EPG5: variants seen among roughly 807,000 people sequenced by gnomAD.
EPG5 encodes ectopic P granules protein 5 homolog.
A neutral mutation model predicts 302.7 loss-of-function variants in EPG5; 159 were observed. That is an observed-to-expected ratio of 0.53 (90% CI 0.46 to 0.60). The LOEUF (loss-of-function observed/expected upper bound fraction) is 0.60, where lower values mean the gene tolerates loss of function less well. EPG5 is among the 20% of genes least tolerant of loss of function. EPG5 has a pLI of 0.00. For missense variants in EPG5, 2,896 were observed against 3,092.4 expected, an observed-to-expected ratio of 0.94 and a Z score of 1.51; for synonymous variants, 1,158 against 1,136.8, an observed-to-expected ratio of 1.02 and a Z score of -0.37.
intron 35 of EPG5, among the ~76,000 whole-genome samples, chr18:45,873,982 T>C (rs1252242269): frequency 6.6e-6 from 1 of 152,148 alleles, no homozygotes; most frequent in Admixed American, 6.5e-5. Context: ...ACTATGGAGA[T>C]AGTAAAAGGA....
At chr18:45,874,889 C>T (rs559321482) in intron 35 of EPG5, among the ~76,000 whole-genome samples, 2 of 152,296 alleles carry the variant, frequency 1.3e-5, no homozygotes, top group South Asian at 2.1e-4. Flanking sequence ...ATGCTGAAAC[C>T]AGCCAACCGA....
At chr18:45,892,342 C>T (rs1189724533) in intron 27 of EPG5, among the ~76,000 whole-genome samples, 7 of 152,154 alleles carry the variant, frequency 4.6e-5, no homozygotes, top group Non-Finnish European at 1.0e-4. Context: ...TTCATAATTA[C>T]AAGAAGTAGT....
At chr18:45,896,631 ACCTCCTGCGGTTAAGTGAT>A (rs576682992) in intron 27 of EPG5, among the ~76,000 whole-genome samples, 2,190 of 152,114 alleles carry the variant, frequency 0.014, 16 homozygotes, top group Non-Finnish European at 0.02. Context: ...TGCAGCCTGG[ACCTCCTGCGGTTAAGTGAT>A]CCTCCTGCTT....
intron 10 of EPG5, among the ~76,000 whole-genome samples, chr18:45,937,255 C>T (rs201384262): frequency 0.1 from 14,316 of 138,590 alleles, 1,123 homozygotes; most frequent in East Asian, 0.29. Flanking sequence ...CACACACACA[C>T]ACACACACAC....
Position 45,882,299 on chromosome 18 carries a change from A to G in EPG5, c.5493T>C (p.Ser1831=). Residue 1831 remains serine (S), a synonymous_variant, in exon 31 of 44, where the codon AGT becomes AGC. Transcript: ENST00000282041. ...TTTGCATAAGCAGCCTGAGAATGTC[A>G]CTGTACTGGTCAGGAAACTGGTAGA... is the stretch of plus-strand genomic sequence containing the variant. ...LLLYQFPDQY[S]DILRLLMQSS... 6.2e-7 allele frequency: 1 copy of G among 1,614,132 alleles called. No individual in the cohort carries two copies. The highest frequency in any genetic ancestry group is 8.5e-7 in the Non-Finnish European group (1 of 1,179,964).
chr18:45,910,518 C>T lies in EPG5; in HGVS notation c.4205+3G>A. On this transcript the variant is annotated splice_donor_region_variant and intron_variant, in intron 23 of 43. Coordinates refer to ENST00000282041, the MANE Select transcript of EPG5 (RefSeq NM_020964.3). ...ATGTAGGTGGCTAAATAACCATACTCACCTCACCAGCTCCTTGTGCAGTTC... is the reference window on the plus strand; with the variant it reads ...ATGTAGGTGGCTAAATAACCATACTTACCTCACCAGCTCCTTGTGCAGTTC... 6.3e-7 allele frequency: 1 copy of T among 1,598,102 alleles called. No individual in the cohort carries two copies. The highest frequency in any genetic ancestry group is 8.5e-7 in the Non-Finnish European group (1 of 1,172,764).
chr18:45,823,553 G>A, the EPG5 span, among the ~76,000 whole-genome samples: 4 of 152,096 alleles, frequency 2.6e-5, no homozygotes, highest in Non-Finnish European at 4.4e-5. Context: ...TCATACTCCC[G>A]GCAACCCTCG....
rs772171146 is a variant in EPG5 at position 45,876,271 on chromosome 18, G to T, written c.6014C>A (p.Thr2005Asn). ...VVASSIVQLF[T>N]DCIDSLHESF... ...CTCATGCAGTGAGTCAATACAGTCA[G>T]TGAACAGCTGCACAATGCTTGAGGC... The change falls in exon 35 of 44, where the codon ACT becomes AAT. Residue 2005 changes from threonine (T) to asparagine (N), a missense_variant. Around this residue, in one of 5 missense-constraint regions of EPG5, gnomAD observed 620 missense variants for 704.2 expected, o/e 0.88. Coordinates refer to ENST00000282041, the MANE Select transcript of EPG5 (RefSeq NM_020964.3). 6.2e-7 allele frequency: 1 copy of T among 1,613,970 alleles called. No individual in the cohort carries two copies. The highest frequency in any genetic ancestry group is 1.1e-5 in the South Asian group (1 of 91,078).
In EPG5 at chr18:45,865,606, G is replaced by C. The variant is rs374517571; in HGVS notation, c.6766+9C>G. 1 of 1,613,662 alleles carries C rather than the reference G, an allele frequency of 6.2e-7. No homozygotes were observed. On this transcript the variant is annotated intron_variant, in intron 39 of 43. Transcript: ENST00000282041. ...TGAATGAATACAGGACTTCCGACTG[G>C]TCACTTACCGGGCGGGTTAAAGACA...
chr18:45,816,835 A>G, the EPG5 span, among the ~76,000 whole-genome samples: 1 of 152,232 alleles, frequency 6.6e-6, no homozygotes, highest in East Asian at 1.9e-4. Flanking sequence ...ATAGCAGCAC[A>G]ATTCTTAATT....
At chr18:45,948,417 C>T in intron 6 of EPG5, 86 bp downstream of exon 6, 1 of 1,057,970 alleles carries the variant, frequency 9.5e-7, no homozygotes, top group Non-Finnish European at 1.5e-6. Flanking sequence ...AGCTGTTCTT[C>T]TTTGGATCTA....
At chr18:45,811,704 CA>C in the EPG5 span, among the ~76,000 whole-genome samples, 1 of 152,150 alleles carries the variant, frequency 6.6e-6, no homozygotes, top group Non-Finnish European at 1.5e-5. Context: ...AGGCCTTTGA[CA>C]AAATTCAACA....
At chr18:45,828,413 A>C in the EPG5 span, among the ~76,000 whole-genome samples, 1 of 151,824 alleles carries the variant, frequency 6.6e-6, no homozygotes, top group African/African-American at 2.4e-5. Context: ...CTCCCCCCAT[A>C]TCTGCTTTTA....
chr18:45,953,580 A>C lies in EPG5; in HGVS notation c.1008+814T>G, dbSNP rs974801816. On this transcript the variant is annotated intron_variant, in intron 2 of 43. Coordinates refer to ENST00000282041, the MANE Select transcript of EPG5 (RefSeq NM_020964.3). ...CCTCTTCTTCCTTGCCATCTCTCCT[A>C]AGCCACTATGAAATGGCTTATGATC... The C allele has an allele frequency of 4.1e-6, 4 of 985,216 alleles. No homozygotes were observed. In the African/African-American group the frequency reaches 5.2e-5, roughly 13 times the overall value. The allele number at this position is 985,216 out of a possible 1,614,324, so 61.0% of individuals were successfully genotyped here.
downstream of EPG5, chr18:45,843,521 A>G (rs1360053716): frequency 6.6e-6 from 1 of 152,254 alleles, no homozygotes; most frequent in Non-Finnish European, 1.5e-5. Context: ...AGGAATCCCC[A>G]TATACTATTG....
chr18:45,880,454 G>A (rs186517358), intron 31 of EPG5, among the ~76,000 whole-genome samples: 7 of 152,298 alleles, frequency 4.6e-5, no homozygotes, highest in Admixed American at 1.3e-4. Flanking sequence ...GGGAGTGAGC[G>A]CTGCTGAAGC....
rs758455914 is a variant in EPG5 at position 45,910,566 on chromosome 18, G to A, written c.4160C>T (p.Thr1387Ile). Residue 1387 changes from threonine (T) to isoleucine (I), a missense_variant, in exon 23 of 44, where the codon ACC becomes ATC. Thr to Ile is a moderately conservative substitution (Grantham distance 89, BLOSUM62 -1). Around this residue, in one of 5 missense-constraint regions of EPG5, gnomAD observed 790 missense variants for 798.0 expected, o/e 0.99. Transcript: ENST00000282041. ...TTCTGGTGAAGTCAGGTAACCAGGG[G>A]TGCCAGAGTGGCTCTCTGGCAGCCC... Reference protein sequence around the residue: ...SEGLPESHSGTPGYLTSPELH... With the variant: ...SEGLPESHSGIPGYLTSPELH... The A allele has an allele frequency of 8.1e-6, 13 of 1,613,500 alleles. No homozygotes were observed. Among genetic ancestry groups the A allele is most frequent in the South Asian group, 6.6e-5 (6 of 91,028 alleles).
intron 35 of EPG5, among the ~76,000 whole-genome samples, chr18:45,873,379 G>T (rs939206036): frequency 6.6e-6 from 1 of 151,960 alleles, no homozygotes; most frequent in African/African-American, 2.4e-5. Context: ...GTGTGGTGGC[G>T]GGCGCCTGTA....
the EPG5 span, among the ~76,000 whole-genome samples, chr18:45,834,568 A>C: frequency 6.6e-6 from 1 of 152,338 alleles, no homozygotes; most frequent in Admixed American, 6.5e-5. Flanking sequence ...TTCAGACAGA[A>C]GGGATATTGT....
Sources: allele counts gnomAD v4.1 joint callset (sites outside exome capture counted in the v4.1 genomes callset), GRCh38; gene constraint gnomAD v4.1.1; regional missense constraint gnomAD v4.1.1; transcripts MANE v1.5; gene names NCBI Gene and HGNC (gene_info 2026-07-23, HGNC 2026-07-21).